Variants in UST observed in about 807,000 individuals in gnomAD.
UST encodes the protein uronyl 2-sulfotransferase, also known as chondroitin sulfate 2-O-sulfotransferase.
Under a neutral mutation model 45.6 loss-of-function variants are expected in UST, and 21 were observed. The ratio of observed to expected loss-of-function variants is 0.46; its 90% CI spans 0.33 to 0.66. The LOEUF (loss-of-function observed/expected upper bound fraction) is 0.66. UST is among the 30% of genes least tolerant of loss of function. The pLI is 0.02. For synonymous variants in UST, 215 were observed against 200.6 expected (o/e 1.07, Z -0.61); for missense variants, 463 against 512.4 (o/e 0.90, Z 0.93).
chr6:148,803,698 C>T lies in UST; in HGVS notation c.247+56021C>T, dbSNP rs1777094822. Among the ~76,000 whole-genome samples, 5 of 152,170 alleles carry T rather than the reference C, an allele frequency of 3.3e-5. No homozygotes were observed. The South Asian group carries it at 1.0e-3, about 32-fold the overall frequency. Reference sequence around the variant, plus strand: ...CTGCCCCCAAACCCTCAGAGGTTTTCCCTGACTCCCAGAACTCCTTCAGTG... The same window carrying T: ...CTGCCCCCAAACCCTCAGAGGTTTTTCCTGACTCCCAGAACTCCTTCAGTG... On this transcript the variant is annotated intron_variant, in intron 1 of 7. Coordinates refer to ENST00000367463, the MANE Select transcript of UST (RefSeq NM_005715.3).
chr6:148,882,571 GGGA>G (rs1778842901), intron 1 of UST, among the ~76,000 whole-genome samples: 1 of 151,852 alleles, frequency 6.6e-6, no homozygotes, highest in Admixed American at 6.6e-5. Context: ...GAAGGAATGG[GGGA>G]GGAGGAAGGT....
intron 1 of UST, among the ~76,000 whole-genome samples, chr6:148,759,199 A>C (rs1776155351): frequency 6.6e-6 from 1 of 152,130 alleles, no homozygotes; most frequent in Non-Finnish European, 1.5e-5. Flanking sequence ...AATACATCTC[A>C]GTGGCCAGGA....
chr6:148,874,481 G>A (rs1778612968), intron 1 of UST, among the ~76,000 whole-genome samples: 1 of 152,128 alleles, frequency 6.6e-6, no homozygotes, highest in Non-Finnish European at 1.5e-5. Context: ...ATTTTAATTA[G>A]GATATTATTT....
At chr6:149,050,934 A>T (rs1776474629) in intron 7 of UST, among the ~76,000 whole-genome samples, 1 of 152,218 alleles carries the variant, frequency 6.6e-6, no homozygotes, top group Non-Finnish European at 1.5e-5. Context: ...GTAAAGGCCC[A>T]CATGCCAAGG....
intron 1 of UST, among the ~76,000 whole-genome samples, chr6:148,755,923 C>T (rs1051763832): frequency 7.9e-5 from 12 of 151,846 alleles, no homozygotes; most frequent in Middle Eastern, 6.3e-3. Flanking sequence ...TTGTTACATA[C>T]GTATACATGT....
At chr6:148,765,849 C>T (rs576582844) in intron 1 of UST, among the ~76,000 whole-genome samples, 1 of 152,340 alleles carries the variant, frequency 6.6e-6, no homozygotes, top group Non-Finnish European at 1.5e-5. Context: ...CCTGCAGCAT[C>T]TTGCCTAATT....
chr6:148,786,028 T>C (rs1326565213), intron 1 of UST, among the ~76,000 whole-genome samples: 1 of 152,032 alleles, frequency 6.6e-6, no homozygotes, highest in Non-Finnish European at 1.5e-5. Context: ...TTAAATAGTA[T>C]ATAGTGCAAT....
At position 148,829,381 on chromosome 6, in the gene UST, C is replaced by A. The variant is rs567432558; in HGVS notation, c.248-57605C>A. Among the ~76,000 whole-genome samples, 135 of 152,342 alleles carry A rather than the reference C, an allele frequency of 8.9e-4. 1 individual carries two copies. Among genetic ancestry groups the A allele is most frequent in the Non-Finnish European group, 1.4e-3 (94 of 68,030 alleles). ...CACTAATGACCCTCTCTAGGCCCAACTTCCCTATCTGGAAAATGCAGAAAT... is the reference window on the plus strand; with the variant it reads ...CACTAATGACCCTCTCTAGGCCCAAATTCCCTATCTGGAAAATGCAGAAAT... On this transcript the variant is annotated intron_variant, in intron 1 of 7. Transcript: ENST00000367463.
intron 1 of UST, among the ~76,000 whole-genome samples, chr6:148,808,916 G>C (rs1036284342): frequency 1.3e-5 from 2 of 152,198 alleles, no homozygotes; most frequent in East Asian, 1.9e-4. Context: ...ACCAGGAATT[G>C]AATCTGCTGG....
chr6:148,788,744 T>A (rs1003650098), intron 1 of UST, among the ~76,000 whole-genome samples: 1 of 152,176 alleles, frequency 6.6e-6, no homozygotes, highest in Non-Finnish European at 1.5e-5. Flanking sequence ...AATTTTGAGA[T>A]CAAATTTTAA....
At chr6:148,897,230 T>C (rs931327946) in intron 2 of UST, among the ~76,000 whole-genome samples, 1 of 152,018 alleles carries the variant, frequency 6.6e-6, no homozygotes, top group Non-Finnish European at 1.5e-5. Context: ...TATAGTGGTA[T>C]GATCTCGGCT....
intron 1 of UST, among the ~76,000 whole-genome samples, chr6:148,874,541 T>G (rs1215083785): frequency 6.6e-6 from 1 of 152,218 alleles, no homozygotes; most frequent in East Asian, 1.9e-4. Context: ...AGAAAGTACT[T>G]TTCGGGATAT....
At chr6:148,813,068 A>T (rs1391215437) in intron 1 of UST, among the ~76,000 whole-genome samples, 1 of 152,210 alleles carries the variant, frequency 6.6e-6, no homozygotes, top group Non-Finnish European at 1.5e-5. Context: ...ATGTATGTAC[A>T]CACACACATG....
At chr6:148,980,770 G>A (rs1481946292) in intron 5 of UST, among the ~76,000 whole-genome samples, 1 of 152,042 alleles carries the variant, frequency 6.6e-6, no homozygotes, top group Non-Finnish European at 1.5e-5. Context: ...CTAGGTTGGA[G>A]TGCAGTGGTT....
rs9404013 is a variant in UST at position 149,000,569 on chromosome 6, A to G, written c.682-18570A>G. ...CCATACATTCTAAGGAACATGGAAA[A>G]AAAATCCAATACCAAGAAAGGCAGG... On this transcript the variant is annotated intron_variant, in intron 5 of 7. Coordinates refer to ENST00000367463, the MANE Select transcript of UST (RefSeq NM_005715.3). Among the ~76,000 whole-genome samples the G allele has an allele frequency of 5.3e-5, 8 of 152,326 alleles. No individual in the cohort carries two copies. The East Asian group carries it at 1.5e-3, about 29-fold the overall frequency.
chr6:148,912,786 A>T (rs1779501141), intron 2 of UST, among the ~76,000 whole-genome samples: 1 of 152,234 alleles, frequency 6.6e-6, no homozygotes, highest in South Asian at 2.1e-4. Flanking sequence ...TCTTTGGAGA[A>T]TAAGTATTTA....
chr6:149,053,612 A>G (rs1287546404), intron 7 of UST, among the ~76,000 whole-genome samples: 1 of 152,214 alleles, frequency 6.6e-6, no homozygotes, highest in Non-Finnish European at 1.5e-5. Context: ...CCATACTTCC[A>G]AAAAAATAGC....
At chr6:148,802,847 A>T (rs1245952863) in intron 1 of UST, among the ~76,000 whole-genome samples, 1 of 152,160 alleles carries the variant, frequency 6.6e-6, no homozygotes, top group African/African-American at 2.4e-5. Context: ...AGAACGGTAG[A>T]CCCAGAAGGA....
At chr6:148,974,483 C>T (rs1419239100) in intron 5 of UST, among the ~76,000 whole-genome samples, 1 of 152,068 alleles carries the variant, frequency 6.6e-6, no homozygotes, top group African/African-American at 2.4e-5. Context: ...GAAATGATAC[C>T]AGTAGAAGTG....
Sources: allele counts gnomAD v4.1 joint callset (sites outside exome capture counted in the v4.1 genomes callset), GRCh38; gene constraint gnomAD v4.1.1; transcripts MANE v1.5; gene names NCBI Gene and HGNC (gene_info 2026-07-23, HGNC 2026-07-21).